RELN: variants seen among roughly 807,000 people sequenced by gnomAD.
RELN encodes reelin.
In RELN, 108 loss-of-function variants were observed where a neutral mutation model predicts 427.6. The ratio of observed to expected loss-of-function variants is 0.25; its 90% CI spans 0.22 to 0.30. RELN has a LOEUF of 0.30. Ranked by LOEUF, RELN falls within the 10% of genes least tolerant of loss-of-function variation. RELN has a pLI of 1.00. For missense variants in RELN, 3,715 were observed against 4,302.8 expected (o/e 0.86, Z 3.82); for synonymous variants, 1,524 against 1,513.4 (o/e 1.01, Z -0.16).
intron 1 of RELN, among the ~76,000 whole-genome samples, chr7:103,937,203 T>C (rs1353791276): frequency 6.6e-6 from 1 of 152,214 alleles, no homozygotes; most frequent in South Asian, 2.1e-4. Flanking sequence ...AATTAATCAA[T>C]TCATTAGAAG....
At chr7:103,973,744 T>C (rs1211801804) in intron 1 of RELN, among the ~76,000 whole-genome samples, 1 of 152,152 alleles carries the variant, frequency 6.6e-6, no homozygotes, top group Non-Finnish European at 1.5e-5. Context: ...CAAGAGCACA[T>C]AATGTTAAGA....
chr7:103,706,489 G>C (rs1834203589), intron 8 of RELN, among the ~76,000 whole-genome samples: 1 of 152,146 alleles, frequency 6.6e-6, no homozygotes, highest in Non-Finnish European at 1.5e-5. Context: ...TACTTTACAA[G>C]TAAGGAAACT....
chr7:103,587,233 A>G (rs1406256358), intron 28 of RELN, among the ~76,000 whole-genome samples: 1 of 152,228 alleles, frequency 6.6e-6, no homozygotes, highest in African/African-American at 2.4e-5. Context: ...CCCCAGATTT[A>G]AAGCCAACTA....
At chr7:103,586,227 G>T (rs1584319419) in intron 28 of RELN, among the ~76,000 whole-genome samples, 1 of 152,074 alleles carries the variant, frequency 6.6e-6, no homozygotes, top group Non-Finnish European at 1.5e-5. Context: ...GCCGGGCATG[G>T]TGATGCTTGC....
intron 2 of RELN, among the ~76,000 whole-genome samples, chr7:103,884,487 G>A (rs898382150): frequency 6.6e-6 from 1 of 152,154 alleles, no homozygotes; most frequent in Non-Finnish European, 1.5e-5. Context: ...TCATCAGAGT[G>A]AACAGGCAAC....
chr7:103,789,558 T>C (rs979945860), intron 3 of RELN, among the ~76,000 whole-genome samples: 8 of 152,154 alleles, frequency 5.3e-5, no homozygotes, highest in Non-Finnish European at 7.4e-5. Flanking sequence ...AAGACATTTA[T>C]ACAGCCAACA....
At chr7:103,655,600 T>C (rs1367148196) in intron 12 of RELN, among the ~76,000 whole-genome samples, 2 of 152,214 alleles carry the variant, frequency 1.3e-5, no homozygotes, top group East Asian at 1.9e-4. Flanking sequence ...GGGTCTGATC[T>C]TGGGGAGAAA....
chr7:103,917,948 A>G (rs922155421), intron 1 of RELN, among the ~76,000 whole-genome samples: 4 of 152,112 alleles, frequency 2.6e-5, no homozygotes, highest in East Asian at 1.9e-4. Flanking sequence ...TCTCCTGCAT[A>G]GGTTTTATAA....
chr7:103,481,840 A>G (rs1828249550), intron 63 of RELN: 1 of 152,156 alleles, frequency 6.6e-6, no homozygotes, highest in Non-Finnish European at 1.5e-5. Flanking sequence ...TTAGATTCAA[A>G]TGAGTCTGGA....
In RELN at chr7:103,589,602, G is replaced by T; in HGVS notation, c.4139C>A (p.Ala1380Glu). ...TTAAGAATGATTACTTTACCTGGAT[G>T]CAAGAGACCTTGGAATAACAATGGT... ...RITIVIPRSLASSKTRFRWIQ... is the reference protein window; with the variant it reads ...RITIVIPRSLESSKTRFRWIQ... Residue 1380 changes from alanine to glutamate, a missense_variant, in exon 28 of 65, where the codon GCA (alanine) becomes GAA (glutamate). Ala to Glu is a moderately radical substitution (Grantham distance 107). Coordinates refer to ENST00000428762, the MANE Select transcript of RELN (RefSeq NM_005045.4). The T allele has an allele frequency of 6.2e-7, 1 of 1,607,374 alleles. No homozygotes were observed. Among genetic ancestry groups the T allele is most frequent in the Non-Finnish European group, 8.5e-7 (1 of 1,173,904 alleles).
At chr7:103,895,749 C>T (rs1794945764) in intron 2 of RELN, among the ~76,000 whole-genome samples, 1 of 151,886 alleles carries the variant, frequency 6.6e-6, no homozygotes, top group African/African-American at 2.4e-5. Context: ...TAGGCTCTAT[C>T]ACCTGGAGCA....
intron 3 of RELN, among the ~76,000 whole-genome samples, chr7:103,792,733 T>C (rs778988233): frequency 1.3e-5 from 2 of 152,106 alleles, no homozygotes; most frequent in Non-Finnish European, 2.9e-5. Flanking sequence ...TCTGTGGATA[T>C]ACTAAAAGCC....
rs528349565 is a variant in RELN at position 103,476,974 on chromosome 7, G to A, written c.10286+1415C>T. Among the ~76,000 whole-genome samples the A allele has an allele frequency of 3.3e-5, 5 of 152,218 alleles. No individual in the cohort carries two copies. The South Asian group carries it at 1.0e-3, about 32-fold the overall frequency. On this transcript the variant is annotated intron_variant, in intron 64 of 64. Coordinates refer to ENST00000428762, the MANE Select transcript of RELN (RefSeq NM_005045.4). The stretch of plus-strand genomic sequence containing the variant: ...AAAAGGAGGTAATGTTCATCCCAAG[G>A]CACATCAGCTATGCCACTTGACATA...
At chr7:103,740,956 C>A (rs139407650) in intron 6 of RELN, among the ~76,000 whole-genome samples, 1 of 152,286 alleles carries the variant, frequency 6.6e-6, no homozygotes, top group African/African-American at 2.4e-5. Flanking sequence ...CTAAATGCAG[C>A]ATACCCAGGC....
chr7:103,551,147 G>C lies in RELN; in HGVS notation c.6222C>G (p.His2074Gln). The C allele has an allele frequency of 1.2e-6, 2 of 1,614,066 alleles. No individual in the cohort carries two copies. The highest frequency in any genetic ancestry group is 2.2e-5 in the South Asian group (2 of 91,072). ...TTCCTGCGTAGTAGGTGCTGCTGGG[G>C]TGGTGCTCGGTGGAGCATAAAGAGC... ...HVSSLCSTEHHPSSTYYAGTM... is the reference protein window; with the variant it reads ...HVSSLCSTEHQPSSTYYAGTM... The change falls in exon 41 of 65, where the codon CAC (histidine) becomes CAG (glutamine). Residue 2074 changes from histidine to glutamine, a missense_variant. By Grantham distance (24) the His-to-Gln change is conservative. This residue lies in a region of RELN where 1,310 missense variants were observed against 1,643.0 expected (regional missense o/e 0.80). Transcript: ENST00000428762.
chr7:103,803,796 T>A (rs1043850030), intron 3 of RELN, among the ~76,000 whole-genome samples: 1 of 152,094 alleles, frequency 6.6e-6, no homozygotes, highest in Admixed American at 6.6e-5. Context: ...CTGGCAAGGT[T>A]ACAGCTCTTA....
intron 6 of RELN, among the ~76,000 whole-genome samples, chr7:103,732,328 G>C (rs879883779): frequency 6.6e-6 from 1 of 152,118 alleles, no homozygotes; most frequent in Non-Finnish European, 1.5e-5. Context: ...TAATCCTTCA[G>C]TGTGTATCAA....
At chr7:103,610,529 T>C (rs1356004601) in intron 22 of RELN, among the ~76,000 whole-genome samples, 166 bp downstream of exon 22, 1 of 152,144 alleles carries the variant, frequency 6.6e-6, no homozygotes, top group African/African-American at 2.4e-5. Context: ...TTCACATAAA[T>C]GAAAGGTTTT....
chr7:103,945,598 G>C lies in RELN; in HGVS notation c.227-28413C>G, dbSNP rs76387903. Among the ~76,000 whole-genome samples, 6 of 151,894 alleles carry C rather than the reference G, an allele frequency of 4.0e-5. No individual in the cohort carries two copies. The South Asian group carries it at 1.0e-3, about 26-fold the overall frequency. On this transcript the variant is annotated intron_variant, in intron 1 of 64. Coordinates refer to ENST00000428762, the MANE Select transcript of RELN (RefSeq NM_005045.4). Reference sequence around the variant, plus strand: ...CTCAGGGAAGATTTCCCTAATCCCCGTAACCAGGTTACAAACTCCATTAAA... The same window carrying C: ...CTCAGGGAAGATTTCCCTAATCCCCCTAACCAGGTTACAAACTCCATTAAA...
Sources: allele counts gnomAD v4.1 joint callset (sites outside exome capture counted in the v4.1 genomes callset), GRCh38; gene constraint gnomAD v4.1.1; regional missense constraint gnomAD v4.1.1; transcripts MANE v1.5; gene names NCBI Gene and HGNC (gene_info 2026-07-23, HGNC 2026-07-21).